KCNIP4: variants seen among roughly 807,000 people sequenced by gnomAD.
KCNIP4 encodes potassium voltage-gated channel interacting protein 4, also known as Kv channel-interacting protein 4.
KCNIP4 carries 12 observed loss-of-function variants against 34.0 expected under a neutral mutation model. The observed-to-expected ratio is 0.35, with a 90% CI of 0.23 to 0.57. The LOEUF is 0.57. Ranked by LOEUF, KCNIP4 falls within the 20% of genes least tolerant of loss-of-function variation. The pLI is 0.83. For missense variants in KCNIP4, 238 were observed against 311.7 expected, an observed-to-expected ratio of 0.76 and a Z score of 1.78; for synonymous variants, 124 against 102.2, an observed-to-expected ratio of 1.21 and a Z score of -1.29.
intron 1 of KCNIP4, among the ~76,000 whole-genome samples, chr4:20,884,706 C>CTTTT (rs975286527): frequency 8.0e-6 from 1 of 125,710 alleles, no homozygotes; most frequent in African/African-American, 2.9e-5. Context: ...CCAGTGCAGC[C>CTTTT]TTTTTTTTTT....
At chr4:21,920,127 TTAAAC>T (rs1006414151) in intron 1 of KCNIP4, among the ~76,000 whole-genome samples, 7 of 152,278 alleles carry the variant, frequency 4.6e-5, no homozygotes, top group Middle Eastern at 3.4e-3. Flanking sequence ...TATCTTTTCT[TTAAAC>T]TGATGCTGAA....
At chr4:21,460,381 T>C (rs1729352601) in intron 1 of KCNIP4, among the ~76,000 whole-genome samples, 2 of 152,070 alleles carry the variant, frequency 1.3e-5, no homozygotes, top group Non-Finnish European at 2.9e-5. Context: ...CTTGTCTCCA[T>C]TGCACTTACC....
intron 1 of KCNIP4, among the ~76,000 whole-genome samples, chr4:21,105,005 G>C (rs1268219523): frequency 6.6e-6 from 1 of 151,696 alleles, no homozygotes; most frequent in Non-Finnish European, 1.5e-5. Flanking sequence ...TAGCCTTGTA[G>C]TATAGTCTGA....
intron 1 of KCNIP4, among the ~76,000 whole-genome samples, chr4:21,680,074 T>C (rs1306808705): frequency 6.6e-6 from 1 of 152,244 alleles, no homozygotes; most frequent in African/African-American, 2.4e-5. Context: ...AAGCATCTGA[T>C]GCTGTTTGAT....
At chr4:21,540,020 A>C (rs1503987) in intron 1 of KCNIP4, among the ~76,000 whole-genome samples, 55,005 of 150,510 alleles carry the variant, frequency 0.37, 10,307 homozygotes, top group South Asian at 0.52. Flanking sequence ...AAAAAGAATT[A>C]TTTTGTGCTT....
At chr4:21,305,754 T>C (rs1476089179) in intron 1 of KCNIP4, among the ~76,000 whole-genome samples, 1 of 152,238 alleles carries the variant, frequency 6.6e-6, no homozygotes, top group Non-Finnish European at 1.5e-5. Flanking sequence ...TTTCCATTTC[T>C]AGGACTTTGC....
chr4:21,055,633 T>A (rs983689167), intron 1 of KCNIP4, among the ~76,000 whole-genome samples: 15 of 152,300 alleles, frequency 9.8e-5, no homozygotes, highest in African/African-American at 3.6e-4. Flanking sequence ...TGGAGGAAAC[T>A]TGAGTTCCTA....
intron 1 of KCNIP4, among the ~76,000 whole-genome samples, chr4:21,824,298 T>C (rs1276273792): frequency 1.3e-5 from 2 of 152,176 alleles, no homozygotes; most frequent in African/African-American, 2.4e-5. Flanking sequence ...AGACTGCCTA[T>C]GTAAGACTAA....
intron 1 of KCNIP4, among the ~76,000 whole-genome samples, chr4:21,811,189 A>C (rs74832808): frequency 4.6e-5 from 7 of 152,208 alleles, no homozygotes; most frequent in African/African-American, 1.7e-4. Flanking sequence ...TCAGATTTAC[A>C]ATACTTTAAA....
chr4:20,999,480 C>A (rs1737904754), intron 1 of KCNIP4, among the ~76,000 whole-genome samples: 1 of 134,990 alleles, frequency 7.4e-6, no homozygotes. Context: ...GAGAGAGCCA[C>A]TAAAAGGCTA....
intron 1 of KCNIP4, among the ~76,000 whole-genome samples, chr4:21,518,528 C>T (rs1734960566): frequency 6.6e-6 from 1 of 152,090 alleles, no homozygotes; most frequent in Non-Finnish European, 1.5e-5. Flanking sequence ...CCCCATTCAG[C>T]TCTCAACCAC....
At chr4:21,814,445 G>T (rs1414120461) in intron 1 of KCNIP4, among the ~76,000 whole-genome samples, 1 of 152,014 alleles carries the variant, frequency 6.6e-6, no homozygotes, top group Non-Finnish European at 1.5e-5. Flanking sequence ...TTTTATAAAG[G>T]GGAGTTTCCC....
At chr4:21,031,658 C>T (rs1031041081) in intron 1 of KCNIP4, among the ~76,000 whole-genome samples, 6 of 152,140 alleles carry the variant, frequency 3.9e-5, no homozygotes, top group Admixed American at 3.3e-4. Context: ...TGGCTGTGAG[C>T]TCATCTGCTC....
At chr4:20,990,545 G>A (rs1397029609) in intron 1 of KCNIP4, among the ~76,000 whole-genome samples, 1 of 152,196 alleles carries the variant, frequency 6.6e-6, no homozygotes, top group Admixed American at 6.5e-5. Context: ...TTGCACTAAT[G>A]TATCTTGAAA....
intron 1 of KCNIP4, among the ~76,000 whole-genome samples, chr4:21,275,026 T>C (rs956718189): frequency 8.5e-5 from 13 of 152,154 alleles, no homozygotes; most frequent in Admixed American, 7.2e-4. Context: ...TACTCAAATA[T>C]AGCTAATTCT....
At chr4:21,929,470 C>T (rs1361403852) in intron 1 of KCNIP4, among the ~76,000 whole-genome samples, 1 of 152,076 alleles carries the variant, frequency 6.6e-6, no homozygotes, top group Non-Finnish European at 1.5e-5. Context: ...GTCTATATGG[C>T]ATATACAAGG....
chr4:21,347,316 G>T (rs1229328265), intron 1 of KCNIP4, among the ~76,000 whole-genome samples: 1 of 152,204 alleles, frequency 6.6e-6, no homozygotes, highest in Non-Finnish European at 1.5e-5. Flanking sequence ...CCTGGTGGAA[G>T]CTGGCACCCC....
At chr4:21,086,733 C>G (rs1173948155) in intron 1 of KCNIP4, among the ~76,000 whole-genome samples, 2 of 152,076 alleles carry the variant, frequency 1.3e-5, no homozygotes, top group African/African-American at 4.8e-5. Context: ...TCTTTTTTCT[C>G]CTACCATTAA....
chr4:20,748,558 TTTTATA>T lies in KCNIP4; in HGVS notation c.429+1098_429+1103del, dbSNP rs1368410729. On this transcript the variant is annotated intron_variant, in intron 5 of 8. Transcript: ENST00000382152. The stretch of plus-strand genomic sequence containing the variant: ...TCCAAAAATAAATGCACCTTCCAAA[TTTTATA>T]TATATATATATATATATATATATAT... Among the ~76,000 whole-genome samples the T allele has an allele frequency of 9.6e-3, 1,133 of 118,454 alleles. 26 individuals are homozygous for T. The highest frequency in any genetic ancestry group is 0.023 in the Middle Eastern group (5 of 216). The allele number at this position is 118,454 out of a possible 152,430, so 77.7% of individuals were successfully genotyped here. A position where few individuals can be genotyped will look rare whatever the true frequency, so the allele number is the denominator to read the frequency against.
Sources: gnomAD v4.1 joint callset for allele counts (sites outside exome capture counted in the v4.1 genomes callset) on GRCh38, gnomAD v4.1.1 for gene constraint, MANE v1.5 for transcripts, NCBI Gene and HGNC (gene_info 2026-07-23, HGNC 2026-07-21) for gene names.